Variants in COL19A1 observed in about 807,000 individuals in gnomAD.
The protein encoded by COL19A1 is collagen alpha-1(XIX) chain.
Under a neutral mutation model 190.2 loss-of-function variants are expected in COL19A1, and 159 were observed. That is an observed-to-expected ratio of 0.84 (90% CI 0.73 to 0.95). The LOEUF (loss-of-function observed/expected upper bound fraction) is 0.95, where lower values mean the gene tolerates loss of function less well. Among genes scored for constraint, COL19A1 ranks in the 40% least tolerant of loss-of-function variants. The pLI is 0.00. For missense variants in COL19A1, 1,418 were observed against 1,431.9 expected (o/e 0.99, Z 0.16); for synonymous variants, 509 against 458.9 (o/e 1.11, Z -1.39).
At chr6:70,179,719 A>G (rs1455538940) in intron 42 of COL19A1, among the ~76,000 whole-genome samples, 1 of 152,168 alleles carries the variant, frequency 6.6e-6, no homozygotes, top group Non-Finnish European at 1.5e-5. Context: ...TCCAATAATG[A>G]TGATACTTTG....
intron 14 of COL19A1, among the ~76,000 whole-genome samples, chr6:70,050,123 A>G (rs1462047136): frequency 6.6e-6 from 1 of 152,026 alleles, no homozygotes; most frequent in Non-Finnish European, 1.5e-5. Context: ...TGTGATACTA[A>G]TATTTCCTAT....
intron 6 of COL19A1, among the ~76,000 whole-genome samples, chr6:69,931,478 T>C (rs1562009937): frequency 2.6e-5 from 4 of 152,146 alleles, no homozygotes; most frequent in Admixed American, 6.6e-5. Context: ...CCTGGTACAA[T>C]GGATGGTACA....
chr6:69,941,122 G>C (rs149724571), intron 9 of COL19A1, among the ~76,000 whole-genome samples: 3 of 152,216 alleles, frequency 2.0e-5, no homozygotes, highest in African/African-American at 7.2e-5. Flanking sequence ...TGTTCTAAAG[G>C]TTTTCTTTTT....
At chr6:69,955,832 C>A (rs1025544574) in intron 9 of COL19A1, among the ~76,000 whole-genome samples, 9 of 151,922 alleles carry the variant, frequency 5.9e-5, no homozygotes, top group African/African-American at 1.9e-4. Flanking sequence ...TAATTGCAGA[C>A]AGAAGAAATA....
chr6:70,037,895 C>T (rs117926265), intron 14 of COL19A1, among the ~76,000 whole-genome samples: 3,999 of 152,032 alleles, frequency 0.026, 104 homozygotes, highest in Middle Eastern at 0.082. Context: ...AAAAATACGA[C>T]AAGGAAAAAA....
At chr6:70,160,920 AT>A (rs1787755664) in intron 34 of COL19A1, among the ~76,000 whole-genome samples, 1 of 152,178 alleles carries the variant, frequency 6.6e-6, no homozygotes, top group Non-Finnish European at 1.5e-5. Context: ...GATTTTAATA[AT>A]TGCAAAATAT....
chr6:70,199,561 A>T (rs1767417269), intron 48 of COL19A1, 47 bp from the exon 49 acceptor site: 1 of 1,323,792 alleles, frequency 7.6e-7, no homozygotes, highest in Admixed American at 2.8e-5. Flanking sequence ...TTTTGACATA[A>T]AATATTTCTG....
At chr6:70,045,980 C>T (rs1388400506) in intron 14 of COL19A1, among the ~76,000 whole-genome samples, 7 of 152,164 alleles carry the variant, frequency 4.6e-5, no homozygotes, top group Admixed American at 4.6e-4. Context: ...AGTTGTTCTA[C>T]ATGTTGTTCA....
Position 70,172,449 on chromosome 6 carries a change from T to G in COL19A1, c.2622+432T>G, listed in dbSNP as rs148407330. Among the ~76,000 whole-genome samples the G allele has an allele frequency of 8.3e-3, 1,260 of 151,598 alleles. 11 individuals are homozygous for G. Among genetic ancestry groups the G allele is most frequent in the Non-Finnish European group, 0.014 (930 of 67,870 alleles). On this transcript the variant is annotated intron_variant, in intron 41 of 50. Transcript: ENST00000620364. ...GAGACCAGGGGAGGGAGTGAGGAGA[T>G]AGTCGTAGGAGATGAGGTCAGAGAG...
At chr6:70,108,999 C>T (rs556875390) in intron 16 of COL19A1, among the ~76,000 whole-genome samples, 9 of 152,196 alleles carry the variant, frequency 5.9e-5, no homozygotes, top group African/African-American at 2.2e-4. Flanking sequence ...GTGTTAATCA[C>T]TATTACAAAC....
At chr6:69,892,166 T>C (rs1288785242) in intron 2 of COL19A1, among the ~76,000 whole-genome samples, 1 of 152,184 alleles carries the variant, frequency 6.6e-6, no homozygotes, top group African/African-American at 2.4e-5. Flanking sequence ...AAAGGAAACC[T>C]CCGAGTGGTG....
At position 70,068,451 on chromosome 6, in the gene COL19A1, G is replaced by A. The variant is rs1360818007; in HGVS notation, c.1199G>A (p.Gly400Asp). ...TCCCTGGGGATACAAGGCCCCCAAG[G>A]TCCACCTGGAAAAGAGGGTCAGAGG... is the stretch of plus-strand genomic sequence containing the variant. ...PGSLGIQGPQGPPGKEGQRGR... is the reference protein window; with the variant it reads ...PGSLGIQGPQDPPGKEGQRGR... Residue 400 changes from glycine to aspartate, a missense_variant, in exon 15 of 51, where the codon GGT becomes GAT. Gly to Asp is a moderately conservative substitution (Grantham distance 94). Transcript: ENST00000620364. 6.2e-7 allele frequency: 1 copy of A among 1,601,124 alleles called. No individual in the cohort carries two copies. Among genetic ancestry groups the A allele is most frequent in the Non-Finnish European group, 8.6e-7 (1 of 1,169,516 alleles).
At chr6:70,003,700 T>A (rs1271813039) in intron 11 of COL19A1, among the ~76,000 whole-genome samples, 2 of 152,108 alleles carry the variant, frequency 1.3e-5, no homozygotes, top group Non-Finnish European at 2.9e-5. Flanking sequence ...TGCAACCCTT[T>A]CTTTTTGTTG....
intron 1 of COL19A1, among the ~76,000 whole-genome samples, chr6:69,868,923 A>G (rs2149928111): frequency 6.6e-6 from 1 of 152,330 alleles, no homozygotes; most frequent in South Asian, 2.1e-4. Context: ...AAACCATGGT[A>G]GTGTGACTAA....
intron 41 of COL19A1, among the ~76,000 whole-genome samples, chr6:70,174,467 G>A (rs907174784): frequency 2.0e-5 from 3 of 151,920 alleles, no homozygotes; most frequent in African/African-American, 7.3e-5. Context: ...GGCTGAGGCA[G>A]AAGAATCACT....
In COL19A1 at chr6:69,877,758, T is replaced by C. The variant is rs546646745; in HGVS notation, c.-32-1778T>C. Among the ~76,000 whole-genome samples the C allele has an allele frequency of 5.9e-5, 9 of 152,202 alleles. No individual in the cohort carries two copies. In the South Asian group the frequency reaches 1.0e-3, roughly 18 times the overall value. On this transcript the variant is annotated intron_variant, in intron 1 of 50. Coordinates refer to ENST00000620364, the MANE Select transcript of COL19A1 (RefSeq NM_001858.6). ...AAAGGAGGCTGGGCATGGTGGCTCA[T>C]GCCTGTAATCCCAGCACTTTGGGAG... is the stretch of plus-strand genomic sequence containing the variant.
At chr6:69,975,481 A>G (rs1018655495) in intron 11 of COL19A1, among the ~76,000 whole-genome samples, 1 of 152,246 alleles carries the variant, frequency 6.6e-6, no homozygotes, top group African/African-American at 2.4e-5. Context: ...GATTAGGCCT[A>G]GAATCACACA....
At chr6:70,142,216 T>C (rs1786301677) in intron 22 of COL19A1, 140 bp downstream of exon 22, 1 of 744,346 alleles carries the variant, frequency 1.3e-6, no homozygotes, top group Admixed American at 2.6e-5. Flanking sequence ...ATGGTGATTT[T>C]CCCCACTGGC....
In COL19A1 at chr6:70,168,636, T is replaced by C. The variant is rs370441744; in HGVS notation, c.2542-19T>C. ...TTTGGTCATTATTTGAAAAATGACT[T>C]TCCATGTTTCTCTTACAGGGCCCAA... is the stretch of plus-strand genomic sequence containing the variant. On this transcript the variant is annotated intron_variant, in intron 39 of 50. Transcript: ENST00000620364. 3.7e-6 allele frequency: 6 copies of C among 1,611,876 alleles called. No homozygotes were observed. In the African/African-American group the frequency reaches 8.0e-5, roughly 22 times the overall value.
Sources: allele counts gnomAD v4.1 joint callset (sites outside exome capture counted in the v4.1 genomes callset), GRCh38; gene constraint gnomAD v4.1.1; transcripts MANE v1.5; gene names NCBI Gene and HGNC (gene_info 2026-07-23, HGNC 2026-07-21).